DNAH14: variants seen among roughly 807,000 people sequenced by gnomAD.
DNAH14 encodes the protein dynein axonemal heavy chain 14, also known as axonemal beta dynein heavy chain 14.
In DNAH14, 478 loss-of-function variants were observed where a neutral mutation model predicts 520.9. The ratio of observed to expected loss-of-function variants is 0.92; its 90% CI spans 0.85 to 0.99. The LOEUF (loss-of-function observed/expected upper bound fraction) is 0.99. DNAH14 is among the 50% of genes least tolerant of loss of function. The pLI is 0.00. For missense variants in DNAH14, 4,831 were observed against 5,234.5 expected (o/e 0.92, Z 2.38); for synonymous variants, 1,581 against 1,757.2 (o/e 0.90, Z 2.51).
intron 27 of DNAH14, among the ~76,000 whole-genome samples, chr1:225,126,473 A>G (rs1458169912): frequency 1.3e-5 from 2 of 152,144 alleles, no homozygotes; most frequent in Admixed American, 1.3e-4. Flanking sequence ...CATTTCTTCT[A>G]GATTTTCTAG....
intron 77 of DNAH14, among the ~76,000 whole-genome samples, chr1:225,372,135 T>C (rs1260482702): frequency 3.3e-5 from 5 of 152,202 alleles, no homozygotes; most frequent in African/African-American, 4.8e-5. Context: ...ATGTTCTTTA[T>C]GGGAAGGCTT....
chr1:225,074,735 A>T (rs1482109901), intron 17 of DNAH14, among the ~76,000 whole-genome samples: 2 of 151,958 alleles, frequency 1.3e-5, no homozygotes, highest in Non-Finnish European at 2.9e-5. Flanking sequence ...AACCCCTTCC[A>T]CCTCCAGTCA....
intron 2 of DNAH14, among the ~76,000 whole-genome samples, chr1:224,953,827 A>G (rs1223603776): frequency 6.6e-6 from 1 of 152,190 alleles, no homozygotes; most frequent in Non-Finnish European, 1.5e-5. Flanking sequence ...AAAGACTTGT[A>G]AAAGGTAAAA....
At position 225,259,221 on chromosome 1, in the gene DNAH14, C is replaced by T; in HGVS notation, c.7125C>T (p.Asp2375=). ...FDIKHGSILG[D]TLLYSEIKKS... ...TAAAACATGGTTCAATTTTAGGAGA[C>T]ACCCTATTATATAGTGAAATAAAAA... Residue 2375 remains aspartate, a synonymous_variant, in exon 46 of 86, where the codon GAC becomes GAT. Transcript: ENST00000682510. 4 of 1,532,512 alleles carry T rather than the reference C, an allele frequency of 2.6e-6. No individual in the cohort carries two copies. The highest frequency in any genetic ancestry group is 2.6e-6 in the Non-Finnish European group (3 of 1,134,004). 94.9% of individuals were successfully genotyped at this position (1,532,512 alleles called of 1,614,324 possible). A position where few individuals can be genotyped will look rare whatever the true frequency, so the allele number is the denominator to read the frequency against.
intron 26 of DNAH14, among the ~76,000 whole-genome samples, chr1:225,119,955 C>A (rs2077162586): frequency 6.6e-6 from 1 of 152,166 alleles, no homozygotes; most frequent in Admixed American, 6.5e-5. Context: ...CATTCTGGCT[C>A]TCCTTTTCTT....
chr1:225,392,562 C>T (rs2095933444), intron 84 of DNAH14, 111 bp downstream of exon 84: 1 of 1,327,764 alleles, frequency 7.5e-7, no homozygotes, highest in Non-Finnish European at 1.0e-6. Context: ...ACATGCCAGG[C>T]ACTAGACAGG....
At chr1:225,181,825 T>C (rs1008255983) in intron 36 of DNAH14, among the ~76,000 whole-genome samples, 4 of 152,208 alleles carry the variant, frequency 2.6e-5, no homozygotes, top group Non-Finnish European at 2.9e-5. Context: ...GTTGTAGGTA[T>C]GTGGCTTTAT....
At chr1:224,941,517 A>C (rs900962003) in intron 1 of DNAH14, among the ~76,000 whole-genome samples, 3 of 152,084 alleles carry the variant, frequency 2.0e-5, no homozygotes, top group African/African-American at 7.2e-5. Flanking sequence ...GAAGCTCTTT[A>C]GTTTAATTAG....
At chr1:225,292,686 G>T (rs2150013113) in intron 55 of DNAH14, among the ~76,000 whole-genome samples, 1 of 152,110 alleles carries the variant, frequency 6.6e-6, no homozygotes, top group East Asian at 1.9e-4. Flanking sequence ...ATTGCTTTAG[G>T]TAGTATGGTC....
intron 41 of DNAH14, among the ~76,000 whole-genome samples, chr1:225,227,443 G>T (rs1574135671): frequency 6.6e-6 from 1 of 152,172 alleles, no homozygotes; most frequent in East Asian, 1.9e-4. Flanking sequence ...ACATGTTTCT[G>T]CGAGCACAGG....
chr1:225,155,057 G>T (rs2080894101), intron 34 of DNAH14, among the ~76,000 whole-genome samples: 1 of 151,952 alleles, frequency 6.6e-6, no homozygotes, highest in South Asian at 2.1e-4. Flanking sequence ...CGTAATGAAA[G>T]AATGCAAATT....
At chr1:225,314,106 A>G (rs1378455006) in intron 60 of DNAH14, among the ~76,000 whole-genome samples, 2 of 152,188 alleles carry the variant, frequency 1.3e-5, no homozygotes, top group African/African-American at 4.8e-5. Context: ...AATTTGCTTT[A>G]TGAATCTGGG....
chr1:225,212,824 G>GT (rs1437825029), intron 41 of DNAH14, among the ~76,000 whole-genome samples: 1 of 152,086 alleles, frequency 6.6e-6, no homozygotes, highest in African/African-American at 2.4e-5. Flanking sequence ...TGTCAGAAGG[G>GT]TAGATTGTAA....
At chr1:225,117,223 G>A (rs371683093) in intron 23 of DNAH14, among the ~76,000 whole-genome samples, 1 of 152,042 alleles carries the variant, frequency 6.6e-6, no homozygotes, top group African/African-American at 2.4e-5. Context: ...TACAGTGAAT[G>A]TAAAGTTATC....
chr1:225,317,004 G>T (rs1437555552), intron 60 of DNAH14, among the ~76,000 whole-genome samples: 1 of 152,188 alleles, frequency 6.6e-6, no homozygotes, highest in East Asian at 1.9e-4. Flanking sequence ...ACAATGACAT[G>T]AATATTTTAT....
In DNAH14 at chr1:225,082,546, T is replaced by A. The variant is rs200744658; in HGVS notation, c.3137-3T>A. The A allele has an allele frequency of 1.3e-6, 2 of 1,536,992 alleles. No individual in the cohort carries two copies. The highest frequency in any genetic ancestry group is 1.2e-5 in the South Asian group (1 of 80,838). On this transcript the variant is annotated splice_polypyrimidine_tract_variant and splice_region_variant and intron_variant, in intron 19 of 85. Transcript: ENST00000682510. ...AAGCCTACTGACCCATTGTTATTTA[T>A]AGGTTTACCTAAAAGCGATATGGTA...
chr1:225,248,419 T>A (rs2092401182), intron 43 of DNAH14, among the ~76,000 whole-genome samples: 1 of 152,062 alleles, frequency 6.6e-6, no homozygotes, highest in African/African-American at 2.4e-5. Flanking sequence ...GTTCAATAGG[T>A]AGTGGAAGTG....
In DNAH14 at chr1:225,389,811, A is replaced by C; in HGVS notation, c.13268A>C (p.Glu4423Ala). 6.4e-7 allele frequency: 1 copy of C among 1,552,000 alleles called. No homozygotes were observed. Among genetic ancestry groups the C allele is most frequent in the South Asian group, 1.2e-5 (1 of 84,064 alleles). Residue 4423 changes from glutamate to alanine, a missense_variant, in exon 83 of 86, where the codon GAG (glutamate) becomes GCG (alanine). Physicochemically the swap from Glu to Ala is moderately radical, Grantham distance 107. Coordinates refer to ENST00000682510, the MANE Select transcript of DNAH14 (RefSeq NM_001367479.1). Reference sequence around the variant, plus strand: ...AAATGCAAACACCCTGAGGATTCAGAGAACAATTTCTTTGAAGGGTTTCCT... The same window carrying C: ...AAATGCAAACACCCTGAGGATTCAGCGAACAATTTCTTTGAAGGGTTTCCT... ...SQKCKHPEDS[E>A]NNFFEGFPSR...
intron 36 of DNAH14, among the ~76,000 whole-genome samples, chr1:225,173,884 G>A (rs925656657): frequency 1.3e-5 from 2 of 152,192 alleles, no homozygotes; most frequent in African/African-American, 4.8e-5. Flanking sequence ...TGATAGACTG[G>A]ATTAAGAAAA....
Sources: allele counts gnomAD v4.1 joint callset (sites outside exome capture counted in the v4.1 genomes callset), GRCh38; gene constraint gnomAD v4.1.1; transcripts MANE v1.5; gene names NCBI Gene and HGNC (gene_info 2026-07-23, HGNC 2026-07-21).